TMEM255B: variants seen among roughly 807,000 people sequenced by gnomAD.
TMEM255B encodes family with sequence similarity 70, member B.
In TMEM255B, 35 loss-of-function variants were observed where a neutral mutation model predicts 34.5. The ratio of observed to expected loss-of-function variants is 1.01; its 90% CI spans 0.77 to 1.34. The LOEUF (loss-of-function observed/expected upper bound fraction) is 1.34. TMEM255B is among the 40% of genes most tolerant of loss of function. The pLI, the probability that TMEM255B is intolerant of heterozygous loss-of-function variation, is 0.00. For synonymous variants in TMEM255B, 206 were observed against 201.2 expected, an observed-to-expected ratio of 1.02 and a Z score of -0.20; for missense variants, 432 against 433.2, an observed-to-expected ratio of 1.00 and a Z score of 0.02.
rs2051323810 is a variant in TMEM255B, at chr13:113,812,087, C to T, written c.*184C>T. 11 of 741,544 alleles carry T rather than the reference C, an allele frequency of 1.5e-5. No homozygotes were observed. The highest frequency in any genetic ancestry group is 4.0e-4 in the Middle Eastern group (1 of 2,522). 45.9% of individuals were successfully genotyped at this position (741,544 alleles called of 1,614,324 possible). ...CTGGAACCAGGCAGGGAGTGGGGCCCTCCAGACCCAGGCTGGTGACACCTT... is the reference window on the plus strand; with the variant it reads ...CTGGAACCAGGCAGGGAGTGGGGCCTTCCAGACCCAGGCTGGTGACACCTT... On this transcript the variant is annotated 3_prime_UTR_variant, in exon 9 of 9. Transcript: ENST00000375353.
rs140283803 is a variant in TMEM255B, at chr13:113,811,890, C to G, written c.968C>G (p.Pro323Arg). Reference protein sequence around the residue: ...TYFPPGEKPPPYAP With the variant: ...TYFPPGEKPPRYAP The stretch of plus-strand genomic sequence containing the variant: ...TTTCCCCCGGGGGAGAAGCCACCCC[C>G]CTACGCACCCTGATAGAGGCGTGGA... The change falls in exon 9 of 9, where the codon CCC (proline) becomes CGC (arginine). Residue 323 changes from proline (P) to arginine (R), a missense_variant. Pro to Arg is a moderately radical substitution (Grantham distance 103). Coordinates refer to ENST00000375353, the MANE Select transcript of TMEM255B (RefSeq NM_182614.4). 1,027 of 1,610,176 alleles carry G rather than the reference C, an allele frequency of 6.4e-4. 4 individuals are homozygous for G. The African/African-American group carries it at 8.7e-3, about 14-fold the overall frequency.
At chr13:113,804,037 G>A (rs1256089296) in intron 7 of TMEM255B, among the ~76,000 whole-genome samples, 1 of 114,180 alleles carries the variant, frequency 8.8e-6, no homozygotes, top group Non-Finnish European at 1.8e-5. Flanking sequence ...CTGAACCTGG[G>A]GGTGGGGGCT....
chr13:113,766,534 T>C (rs374040019), intron 2 of TMEM255B: 500 of 522,310 alleles, frequency 9.6e-4, no homozygotes, highest in African/African-American at 8.2e-3. Context: ...GTTGGCCCGA[T>C]GTGGTCACAG....
At position 113,815,773 on chromosome 13, in the gene TMEM255B, C is replaced by T. The variant is rs1399141842; in HGVS notation, c.*3870C>T. 1 of 152,546 alleles carries T rather than the reference C, an allele frequency of 6.6e-6. No homozygotes were observed. Among genetic ancestry groups the T allele is most frequent in the Non-Finnish European group, 1.5e-5 (1 of 68,334 alleles). 9.4% of individuals were successfully genotyped at this position (152,546 alleles called of 1,614,324 possible). A position where few individuals can be genotyped will look rare whatever the true frequency, so the allele number is the denominator to read the frequency against. ...GTGAAAACAGAATACTACAGTGGTCCATCCACACGCGGGTCTCACCCAGCC... is the reference window on the plus strand; with the variant it reads ...GTGAAAACAGAATACTACAGTGGTCTATCCACACGCGGGTCTCACCCAGCC... On this transcript the variant is annotated 3_prime_UTR_variant, in exon 9 of 9. Transcript: ENST00000375353.
intron 3 of TMEM255B, among the ~76,000 whole-genome samples, chr13:113,781,907 C>T (rs2050671020): frequency 6.6e-6 from 1 of 152,254 alleles, no homozygotes; most frequent in Non-Finnish European, 1.5e-5. Flanking sequence ...ATACAAGATC[C>T]TTTCTTATAT....
chr13:113,797,172 G>A (rs565113038), intron 4 of TMEM255B, among the ~76,000 whole-genome samples: 125 of 151,882 alleles, frequency 8.2e-4, no homozygotes, highest in Non-Finnish European at 1.3e-3. Context: ...AGGGCCACGC[G>A]GGGCATGCAT....
At position 113,811,952 on chromosome 13, in the gene TMEM255B, AAGGC is replaced by A. The variant is rs1043047777; in HGVS notation, c.*52_*55del. The A allele has an allele frequency of 2.0e-6, 3 of 1,532,392 alleles. No individual in the cohort carries two copies. Among genetic ancestry groups the A allele is most frequent in the Non-Finnish European group, 2.6e-6 (3 of 1,143,860 alleles). The allele number at this position is 1,532,392 out of a possible 1,614,324, so 94.9% of individuals were successfully genotyped here. ...CTTGTTTGTTTTTTTTTTTAAAAAA[AAGGC>A]AGCCTCTAGAAATCCCGCTTCTGTG... is the stretch of plus-strand genomic sequence containing the variant. On this transcript the variant is annotated 3_prime_UTR_variant, in exon 9 of 9. Transcript: ENST00000375353.
rs1278261242 is a variant in TMEM255B, at chr13:113,806,410, G to C, written c.813+1382G>C. Among the ~76,000 whole-genome samples the C allele has an allele frequency of 1.3e-5, 2 of 152,132 alleles. No individual in the cohort carries two copies. Among genetic ancestry groups the C allele is most frequent in the Non-Finnish European group, 2.9e-5 (2 of 68,016 alleles). Reference sequence around the variant, plus strand: ...CTGTTGGGCTCAGTGGAGATGACCAGGGCCTGACAACATCTCCTCGTGGAG... The same window carrying C: ...CTGTTGGGCTCAGTGGAGATGACCACGGCCTGACAACATCTCCTCGTGGAG... On this transcript the variant is annotated intron_variant, in intron 8 of 8. Coordinates refer to ENST00000375353, the MANE Select transcript of TMEM255B (RefSeq NM_182614.4). This position sits in a 1 kb window ranked among gnomAD's most constrained non-coding sequence, Gnocchi z 4.2.
In TMEM255B at chr13:113,801,946, G is replaced by A. The variant is rs1424446100; in HGVS notation, c.669+134G>A. The A allele has an allele frequency of 3.3e-5, 35 of 1,060,912 alleles. No individual in the cohort carries two copies. The East Asian group carries it at 8.9e-4, about 27-fold the overall frequency. 65.7% of individuals were successfully genotyped at this position (1,060,912 alleles called of 1,614,324 possible). A position where few individuals can be genotyped will look rare whatever the true frequency, so the allele number is the denominator to read the frequency against. On this transcript the variant is annotated intron_variant, in intron 7 of 8. Coordinates refer to ENST00000375353, the MANE Select transcript of TMEM255B (RefSeq NM_182614.4). ...CTGAAGCCCATGCGTCTGTCAGCAG[G>A]GTGTCAGGGTGACAGCTGGCGTGCA...
At position 113,776,588 on chromosome 13, in the gene TMEM255B, C is replaced by T. The variant is rs2050582246; in HGVS notation, c.252+7428C>T. 2.6e-5 allele frequency among the ~76,000 whole-genome samples: 4 copies of T among 152,320 alleles called. No individual in the cohort carries two copies. In the South Asian group the frequency reaches 8.3e-4, roughly 32 times the overall value. On this transcript the variant is annotated intron_variant, in intron 3 of 8. Transcript: ENST00000375353. Reference sequence around the variant, plus strand: ...CGGCCACAGTGGGGGCCTAGCAGGCCCTCGCCTCAGGACGCCTGTTTTTTT... The same window carrying T: ...CGGCCACAGTGGGGGCCTAGCAGGCTCTCGCCTCAGGACGCCTGTTTTTTT...
intron 1 of TMEM255B, among the ~76,000 whole-genome samples, chr13:113,763,621 A>C (rs976615156): frequency 6.6e-6 from 1 of 152,260 alleles, no homozygotes; most frequent in South Asian, 2.1e-4. Flanking sequence ...CATTGAAAAA[A>C]GACCATAAGA....
In TMEM255B at chr13:113,804,804, G is replaced by A. The variant is rs377082618; in HGVS notation, c.670-81G>A. 461 of 1,335,122 alleles carry A rather than the reference G, an allele frequency of 3.5e-4. 3 individuals carry two copies. The African/African-American group carries it at 5.9e-3, about 17-fold the overall frequency. 82.7% of individuals were successfully genotyped at this position (1,335,122 alleles called of 1,614,324 possible). ...AGCCTGAGAGTCGGGGGTCGAGGGT[G>A]CTGGGCTTTCTAGGAAGGCTGGACA... On this transcript the variant is annotated intron_variant, in intron 7 of 8. Transcript: ENST00000375353.
In TMEM255B at chr13:113,815,546, G is replaced by C. The variant is rs1440557313; in HGVS notation, c.*3643G>C. On this transcript the variant is annotated 3_prime_UTR_variant, in exon 9 of 9. Transcript: ENST00000375353. The stretch of plus-strand genomic sequence containing the variant: ...GGCTGGTCTTTCCCGTGCTATTCTC[G>C]TGATAGTGAGTAAGTCTCACGAGAT... 6.6e-6 allele frequency: 1 copy of C among 152,502 alleles called. No homozygotes were observed. Among genetic ancestry groups the C allele is most frequent in the East Asian group, 1.9e-4 (1 of 5,174 alleles). The allele number at this position is 152,502 out of a possible 1,614,324, so 9.4% of individuals were successfully genotyped here. A position where few individuals can be genotyped will look rare whatever the true frequency, so the allele number is the denominator to read the frequency against.
intron 7 of TMEM255B, among the ~76,000 whole-genome samples, chr13:113,804,005 C>T (rs1444350506): frequency 2.6e-5 from 2 of 76,452 alleles, no homozygotes; most frequent in Non-Finnish European, 2.6e-5. Flanking sequence ...GCCATCTTCC[C>T]CTGGCTTCCT....
At chr13:113,774,981 ACACACAC>A (rs749789924) in intron 3 of TMEM255B, among the ~76,000 whole-genome samples, 38 of 145,470 alleles carry the variant, frequency 2.6e-4, no homozygotes, top group South Asian at 6.5e-4. Context: ...AATGCACATC[ACACACAC>A]CACACACCAC....
chr13:113,761,277 G>A, intron 1 of TMEM255B: 1 of 985,344 alleles, frequency 1.0e-6, no homozygotes, highest in Non-Finnish European at 1.2e-6. Context: ...CCCCTTCCTG[G>A]CTCTGTGGAG....
At chr13:113,797,028 A>G (rs770300175) in intron 4 of TMEM255B, among the ~76,000 whole-genome samples, 3 of 152,162 alleles carry the variant, frequency 2.0e-5, no homozygotes, top group Non-Finnish European at 2.9e-5. Flanking sequence ...TTGCTATTCT[A>G]TGGCTTCCAG....
chr13:113,781,947 A>C (rs1176646045), intron 3 of TMEM255B, among the ~76,000 whole-genome samples: 1 of 152,118 alleles, frequency 6.6e-6, no homozygotes, highest in Non-Finnish European at 1.5e-5. Flanking sequence ...ACCTTTTTGC[A>C]TAGCTAGGGG....
chr13:113,811,070 G>T (rs2051287772), intron 8 of TMEM255B, among the ~76,000 whole-genome samples: 1 of 152,128 alleles, frequency 6.6e-6, no homozygotes, highest in Admixed American at 6.5e-5. Context: ...CCAAGGTTGT[G>T]CCAGTGAGGC....
Sources: allele counts gnomAD v4.1 joint callset (sites outside exome capture counted in the v4.1 genomes callset), GRCh38; gene constraint gnomAD v4.1.1; non-coding constraint Gnocchi (gnomAD v3.1); transcripts MANE v1.5; gene names NCBI Gene and HGNC (gene_info 2026-07-23, HGNC 2026-07-21).